FAM135B: variants seen among roughly 807,000 people sequenced by gnomAD.
The protein encoded by FAM135B is protein FAM135B.
A neutral mutation model predicts 127.7 loss-of-function variants in FAM135B; 43 were observed. The observed-to-expected ratio is 0.34, with a 90% CI of 0.26 to 0.43. The LOEUF is 0.43. Among genes scored for constraint, FAM135B ranks in the 20% least tolerant of loss-of-function variants. The pLI, the probability that FAM135B is intolerant of heterozygous loss-of-function variation, is 1.00. For missense variants in FAM135B, 1,558 were observed against 1,725.6 expected (o/e 0.90, Z 1.72); for synonymous variants, 670 against 665.1 (o/e 1.01, Z -0.11).
intron 15 of FAM135B, 53 bp from the exon 16 acceptor site, chr8:138,143,162 C>A (rs1586584968): frequency 4.1e-6 from 4 of 976,264 alleles, no homozygotes; most frequent in Non-Finnish European, 6.6e-6. Context: ...GGGGGCTGGG[C>A]TTTGTGCACA....
chr8:138,279,769 C>A (rs1824119547), intron 3 of FAM135B, among the ~76,000 whole-genome samples: 1 of 152,184 alleles, frequency 6.6e-6, no homozygotes, highest in Non-Finnish European at 1.5e-5. Flanking sequence ...CTTATTGCCA[C>A]CCACCTACTC....
chr8:138,215,816 T>C (rs572783315), intron 7 of FAM135B, among the ~76,000 whole-genome samples: 3 of 152,272 alleles, frequency 2.0e-5, no homozygotes, highest in Admixed American at 6.5e-5. Context: ...ATCCTACAAG[T>C]GATGCCACGC....
intron 19 of FAM135B, among the ~76,000 whole-genome samples, chr8:138,135,268 GT>G (rs1187631764): frequency 1.3e-5 from 2 of 152,168 alleles, no homozygotes; most frequent in African/African-American, 4.8e-5. Flanking sequence ...AGACAAGAAA[GT>G]AGGCAAGGAA....
intron 2 of FAM135B, among the ~76,000 whole-genome samples, chr8:138,363,972 C>T (rs962676150): frequency 1.3e-5 from 2 of 152,156 alleles, no homozygotes; most frequent in South Asian, 4.1e-4. Flanking sequence ...ATCCCAAAGA[C>T]CTTGTAGAGC....
intron 1 of FAM135B, among the ~76,000 whole-genome samples, chr8:138,423,040 T>C (rs2131464562): frequency 6.6e-6 from 1 of 152,306 alleles, no homozygotes; most frequent in Non-Finnish European, 1.5e-5. Context: ...CCACATGTTC[T>C]TACTTATAAG....
intron 1 of FAM135B, among the ~76,000 whole-genome samples, chr8:138,429,243 C>T (rs1429814915): frequency 6.6e-6 from 1 of 152,144 alleles, no homozygotes; most frequent in Non-Finnish European, 1.5e-5. Context: ...ATTTATTTGC[C>T]TACAGGCTAT....
At position 138,243,883 on chromosome 8, in the gene FAM135B, T is replaced by C. The variant is rs1298095596; in HGVS notation, c.543-815A>G. On this transcript the variant is annotated intron_variant, in intron 6 of 19. Coordinates refer to ENST00000395297, the MANE Select transcript of FAM135B (RefSeq NM_015912.4). This position sits in a 1 kb window ranked among gnomAD's most constrained non-coding sequence, Gnocchi z 7.5. ...CTTTTCTAATGGATGTTTTGTCATA[T>C]TGTGGATACTATATTCTAGGCATGT... Among the ~76,000 whole-genome samples, 3 of 152,204 alleles carry C rather than the reference T, an allele frequency of 2.0e-5. No homozygotes were observed. The highest frequency in any genetic ancestry group is 7.2e-5 in the African/African-American group (3 of 41,462).
At chr8:138,133,882 C>T (rs1816405594) in intron 19 of FAM135B, among the ~76,000 whole-genome samples, 1 of 152,034 alleles carries the variant, frequency 6.6e-6, no homozygotes, top group African/African-American at 2.4e-5. Context: ...GTTTCTTTTC[C>T]CCCCCTTCTT....
chr8:138,274,427 T>A (rs994113773), intron 3 of FAM135B, among the ~76,000 whole-genome samples: 1 of 152,050 alleles, frequency 6.6e-6, no homozygotes, highest in Non-Finnish European at 1.5e-5. Context: ...TACAAGGTAA[T>A]AGAATATCAC....
At chr8:138,445,941 G>T (rs567322384) in intron 1 of FAM135B, among the ~76,000 whole-genome samples, 1 of 152,230 alleles carries the variant, frequency 6.6e-6, no homozygotes, top group Non-Finnish European at 1.5e-5. Context: ...AAGCTGATAA[G>T]CAACTTCAGC....
intron 1 of FAM135B, among the ~76,000 whole-genome samples, chr8:138,409,747 C>T (rs548704297): frequency 5.9e-5 from 9 of 151,824 alleles, no homozygotes; most frequent in South Asian, 4.2e-4. Context: ...TGGTGGTGGG[C>T]GCTTGTAGTC....
At chr8:138,341,191 G>C (rs4909774) in intron 2 of FAM135B, among the ~76,000 whole-genome samples, 83 of 152,286 alleles carry the variant, frequency 5.5e-4, no homozygotes, top group African/African-American at 1.9e-3. Context: ...ACTGGATAAT[G>C]TGCGGCATGC....
At chr8:138,359,531 A>G (rs1417582471) in intron 2 of FAM135B, among the ~76,000 whole-genome samples, 2 of 152,198 alleles carry the variant, frequency 1.3e-5, no homozygotes, top group African/African-American at 4.8e-5. Context: ...CCAGCTCTCT[A>G]ACAGTTGTTT....
At chr8:138,403,958 A>G (rs975666223) in intron 1 of FAM135B, among the ~76,000 whole-genome samples, 1 of 152,182 alleles carries the variant, frequency 6.6e-6, no homozygotes, top group African/African-American at 2.4e-5. Flanking sequence ...CCTAACATGA[A>G]TAGGGAAGTA....
At position 138,151,241 on chromosome 8, in the gene FAM135B, A is replaced by G. The variant is rs1465238502; in HGVS notation, c.3234T>C (p.Ser1078=). 6.3e-7 allele frequency: 1 copy of G among 1,599,784 alleles called. No individual in the cohort carries two copies. The highest frequency in any genetic ancestry group is 1.1e-5 in the South Asian group (1 of 88,396). ...CCTCATCCAACGTGCTGGAATGGGT[A>G]GAAACAACTCCAAAGGATCCCAAAG... ...HQPLGSFGVV[S]THSSTLDEEV... The change falls in exon 13 of 20, where the codon TCT becomes TCC. Residue 1078 remains serine (S), a synonymous_variant. Coordinates refer to ENST00000395297, the MANE Select transcript of FAM135B (RefSeq NM_015912.4).
At chr8:138,451,281 C>T (rs543234030) in intron 1 of FAM135B, among the ~76,000 whole-genome samples, 5 of 152,192 alleles carry the variant, frequency 3.3e-5, no homozygotes, top group African/African-American at 1.2e-4. Context: ...GATCAAGTTG[C>T]ATTCTTGTTT....
At chr8:138,393,108 C>T (rs1028032279) in intron 1 of FAM135B, among the ~76,000 whole-genome samples, 1 of 152,122 alleles carries the variant, frequency 6.6e-6, no homozygotes, top group Non-Finnish European at 1.5e-5. Context: ...CCTTATAAAG[C>T]CATCAGATCT....
chr8:138,165,929 C>G (rs767888752), intron 12 of FAM135B, among the ~76,000 whole-genome samples: 5 of 152,130 alleles, frequency 3.3e-5, no homozygotes, highest in Non-Finnish European at 7.3e-5. Context: ...CCTTGGAAGT[C>G]ACTTGGATTT....
At chr8:138,200,196 C>A (rs977729270) in intron 7 of FAM135B, among the ~76,000 whole-genome samples, 1 of 152,236 alleles carries the variant, frequency 6.6e-6, no homozygotes, top group Non-Finnish European at 1.5e-5. Context: ...TTGTCAAATT[C>A]TTTCTGATTT....
Sources: gnomAD v4.1 joint callset for allele counts (sites outside exome capture counted in the v4.1 genomes callset) on GRCh38, gnomAD v4.1.1 for gene constraint, Gnocchi (gnomAD v3.1) non-coding constraint, MANE v1.5 for transcripts, NCBI Gene and HGNC (gene_info 2026-07-23, HGNC 2026-07-21) for gene names.